Variants in OSBPL1A observed in about 807,000 individuals in gnomAD.
OSBPL1A encodes oxysterol-binding protein-related protein 1.
OSBPL1A carries 80 observed loss-of-function variants against 137.1 expected under a neutral mutation model. The observed-to-expected ratio is 0.58, with a 90% CI of 0.49 to 0.70. The LOEUF (loss-of-function observed/expected upper bound fraction) is 0.70. Among genes scored for constraint, OSBPL1A ranks in the 30% least tolerant of loss-of-function variants. The pLI, the probability that OSBPL1A is intolerant of heterozygous loss-of-function variation, is 0.00. For synonymous variants in OSBPL1A, 365 were observed against 389.7 expected (o/e 0.94, Z 0.75); for missense variants, 970 against 1,129.4 (o/e 0.86, Z 2.02).
intron 4 of OSBPL1A, among the ~76,000 whole-genome samples, chr18:24,346,562 C>T (rs1248669591): frequency 6.6e-6 from 1 of 152,102 alleles, no homozygotes; most frequent in Non-Finnish European, 1.5e-5. Flanking sequence ...ATAAATCAAA[C>T]AATATGTGGC....
At chr18:24,258,497 G>A (rs2089349370) in intron 15 of OSBPL1A, among the ~76,000 whole-genome samples, 1 of 152,128 alleles carries the variant, frequency 6.6e-6, no homozygotes, top group African/African-American at 2.4e-5. Flanking sequence ...GCAGGGTTGG[G>A]GGAATGTGGA....
intron 15 of OSBPL1A, among the ~76,000 whole-genome samples, chr18:24,258,792 T>C (rs2089359327): frequency 1.3e-5 from 2 of 152,160 alleles, no homozygotes; most frequent in African/African-American, 4.8e-5. Context: ...TAGTGGTAGA[T>C]ATTAAATATA....
intron 17 of OSBPL1A, among the ~76,000 whole-genome samples, chr18:24,201,694 C>G (rs1201469718): frequency 6.6e-6 from 1 of 151,934 alleles, no homozygotes; most frequent in African/African-American, 2.4e-5. Flanking sequence ...ACCCAGGAGG[C>G]AGAGGTTGCA....
intron 4 of OSBPL1A, among the ~76,000 whole-genome samples, chr18:24,347,223 C>T (rs1395886649): frequency 1.3e-5 from 2 of 152,164 alleles, no homozygotes; most frequent in Non-Finnish European, 2.9e-5. Context: ...GTCACCCAGG[C>T]TGGAGTGCTG....
chr18:24,336,587 T>C (rs374881701), intron 5 of OSBPL1A, among the ~76,000 whole-genome samples: 6 of 152,348 alleles, frequency 3.9e-5, no homozygotes, highest in African/African-American at 1.4e-4. Flanking sequence ...TATATCTCAA[T>C]AAATATTCCT....
intron 15 of OSBPL1A, among the ~76,000 whole-genome samples, chr18:24,241,367 C>T (rs1340834958): frequency 6.6e-6 from 1 of 152,034 alleles, no homozygotes; most frequent in Non-Finnish European, 1.5e-5. Context: ...AAAATTTTTG[C>T]AATCTATCCA....
At chr18:24,178,290 C>A in intron 20 of OSBPL1A, 95 bp from the exon 21 acceptor site, 1 of 1,175,016 alleles carries the variant, frequency 8.5e-7, no homozygotes, top group Non-Finnish European at 1.2e-6. Flanking sequence ...TCAAAGTAAA[C>A]AATTCTTTTG....
At chr18:24,284,107 G>A (rs940773261) in intron 14 of OSBPL1A, among the ~76,000 whole-genome samples, 8 of 152,000 alleles carry the variant, frequency 5.3e-5, no homozygotes, top group Non-Finnish European at 1.2e-4. Flanking sequence ...TTCCACAGCG[G>A]AACAGTTTAA....
intron 14 of OSBPL1A, among the ~76,000 whole-genome samples, chr18:24,293,717 G>A (rs1220709966): frequency 6.6e-6 from 1 of 152,184 alleles, no homozygotes; most frequent in Non-Finnish European, 1.5e-5. Context: ...AGGGAACTGG[G>A]AGGTGGGGGG....
At chr18:24,261,176 TC>T (rs1344615288) in intron 15 of OSBPL1A, among the ~76,000 whole-genome samples, 1 of 152,168 alleles carries the variant, frequency 6.6e-6, no homozygotes, top group Non-Finnish European at 1.5e-5. Context: ...ACGATATGAT[TC>T]CATTACTATA....
Position 24,164,754 on chromosome 18 carries a change from C to T in OSBPL1A, c.2750+311G>A, listed in dbSNP as rs77284331. 4.0e-3 allele frequency among the ~76,000 whole-genome samples: 615 copies of T among 152,198 alleles called. 3 individuals are homozygous for T. Among genetic ancestry groups the T allele is most frequent in the Non-Finnish European group, 6.4e-3 (436 of 68,006 alleles). Reference sequence around the variant, plus strand: ...GAGATTTCTTAAAAAAACTTAACTACCATAGGATCCGGCACTCCCACTACT... The same window carrying T: ...GAGATTTCTTAAAAAAACTTAACTATCATAGGATCCGGCACTCCCACTACT... On this transcript the variant is annotated intron_variant, in intron 27 of 27. Coordinates refer to ENST00000319481, the MANE Select transcript of OSBPL1A (RefSeq NM_080597.4).
chr18:24,270,304 C>T (rs1446048035), intron 15 of OSBPL1A, among the ~76,000 whole-genome samples: 1 of 152,110 alleles, frequency 6.6e-6, no homozygotes, highest in African/African-American at 2.4e-5. Context: ...TTTAAACATG[C>T]TCAAACTATT....
chr18:24,233,900 G>A (rs926306539), intron 16 of OSBPL1A, among the ~76,000 whole-genome samples: 2 of 152,144 alleles, frequency 1.3e-5, no homozygotes, highest in Non-Finnish European at 2.9e-5. Flanking sequence ...TGATCCACTC[G>A]CCTTGGCCTC....
In OSBPL1A at chr18:24,271,678, T is replaced by C. The variant is rs1196217398; in HGVS notation, c.1281+9164A>G. The C allele has an allele frequency of 5.1e-6, 5 of 985,648 alleles. No homozygotes were observed. In the East Asian group the frequency reaches 5.7e-4, roughly 112 times the overall value. 61.1% of individuals were successfully genotyped at this position (985,648 alleles called of 1,614,324 possible). Reference sequence around the variant, plus strand: ...GCTCCACCCTGCGCTCCTCGCAAGCTCCAGCGCGAATGCGCTCGGCCTGCT... The same window carrying C: ...GCTCCACCCTGCGCTCCTCGCAAGCCCCAGCGCGAATGCGCTCGGCCTGCT... On this transcript the variant is annotated intron_variant, in intron 15 of 27. Coordinates refer to ENST00000319481, the MANE Select transcript of OSBPL1A (RefSeq NM_080597.4). The surrounding 1 kb of genome is among the most constrained non-coding windows in gnomAD (Gnocchi z 4.0).
intron 1 of OSBPL1A, among the ~76,000 whole-genome samples, chr18:24,381,871 G>T (rs1400191201): frequency 6.6e-6 from 1 of 151,934 alleles, no homozygotes; most frequent in African/African-American, 2.4e-5. Flanking sequence ...TGAGGCAGGA[G>T]AATCGCTTGA....
intron 15 of OSBPL1A, among the ~76,000 whole-genome samples, chr18:24,272,986 A>G (rs2089758132): frequency 6.6e-6 from 1 of 152,016 alleles, no homozygotes; most frequent in African/African-American, 2.4e-5. Context: ...GCTCACTGCA[A>G]CCTCCACCTC....
chr18:24,379,541 A>C (rs1053276667), intron 1 of OSBPL1A, among the ~76,000 whole-genome samples: 3 of 150,534 alleles, frequency 2.0e-5, no homozygotes, highest in Non-Finnish European at 4.4e-5. Flanking sequence ...AAAGAATGTT[A>C]AGAGAATTGG....
chr18:24,257,456 C>G (rs184086664), intron 15 of OSBPL1A, among the ~76,000 whole-genome samples: 1 of 152,276 alleles, frequency 6.6e-6, no homozygotes, highest in Admixed American at 6.5e-5. Context: ...ACCCCTATCT[C>G]TTGCCATATA....
intron 2 of OSBPL1A, among the ~76,000 whole-genome samples, chr18:24,374,093 G>C (rs1444664630): frequency 6.6e-6 from 1 of 152,130 alleles, no homozygotes; most frequent in Non-Finnish European, 1.5e-5. Context: ...CTGAGGTAAA[G>C]ATAAAGAGCC....
Sources: gnomAD v4.1 joint callset for allele counts (sites outside exome capture counted in the v4.1 genomes callset) on GRCh38, gnomAD v4.1.1 for gene constraint, Gnocchi (gnomAD v3.1) non-coding constraint, MANE v1.5 for transcripts, NCBI Gene and HGNC (gene_info 2026-07-23, HGNC 2026-07-21) for gene names.